ITK: variants seen among roughly 807,000 people sequenced by gnomAD.
The protein encoded by ITK is tyrosine-protein kinase ITK/TSK.
ITK carries 45 observed loss-of-function variants against 87.6 expected under a neutral mutation model. The ratio of observed to expected loss-of-function variants is 0.51; its 90% confidence interval spans 0.40 to 0.66. The LOEUF is 0.66. ITK is among the 30% of genes least tolerant of loss of function. The pLI is 0.00. For missense variants in ITK, 605 were observed against 766.3 expected (o/e 0.79, Z 2.48); for synonymous variants, 303 against 273.6 (o/e 1.11, Z -1.06).
intron 7 of ITK, among the ~76,000 whole-genome samples, chr5:157,228,956 C>A (rs74924472): frequency 9.7e-4 from 147 of 152,192 alleles, no homozygotes; most frequent in African/African-American, 3.2e-3. Flanking sequence ...CAGATGAGCA[C>A]AGAAGTTGGC....
At chr5:157,231,929 A>G (rs1220494941) in intron 7 of ITK, among the ~76,000 whole-genome samples, 1 of 152,222 alleles carries the variant, frequency 6.6e-6, no homozygotes. Flanking sequence ...CCTCCTTATA[A>G]CGAACTGTCT....
intron 1 of ITK, among the ~76,000 whole-genome samples, chr5:157,190,962 CCCT>C (rs1429317291): frequency 1.3e-5 from 2 of 152,050 alleles, no homozygotes; most frequent in African/African-American, 4.8e-5. Flanking sequence ...GGGTGTGAGT[CCCT>C]CCATCTAGAA....
At chr5:157,243,830 G>A (rs545723317) in intron 12 of ITK, 36 bp downstream of exon 12, 4 of 1,596,268 alleles carry the variant, frequency 2.5e-6, no homozygotes, top group Admixed American at 1.7e-5. Flanking sequence ...AGAAACTCTG[G>A]GGGGAACATC....
Position 157,180,881 on chromosome 5 carries a change from C to A in ITK, c.-97C>A. 1.6e-6 allele frequency: 2 copies of A among 1,216,634 alleles called. No individual in the cohort carries two copies. The highest frequency in any genetic ancestry group is 2.4e-6 in the Non-Finnish European group (2 of 827,342). 75.4% of individuals were successfully genotyped at this position (1,216,634 alleles called of 1,614,324 possible). A position where few individuals can be genotyped will look rare whatever the true frequency, so the allele number is the denominator to read the frequency against. ...TGCCCTTGAGCAGCTCTCTGAAGAT[C>A]AACTGCCTCCACATTGCATTCTTTG... On this transcript the variant is annotated 5_prime_UTR_variant, in exon 1 of 17. Transcript: ENST00000422843.
intron 1 of ITK, among the ~76,000 whole-genome samples, chr5:157,205,082 A>C (rs1754053582): frequency 6.6e-6 from 1 of 152,240 alleles, no homozygotes; most frequent in South Asian, 2.1e-4. Flanking sequence ...GCGATAGTTA[A>C]GGCTTCCTTA....
chr5:157,252,216 T>C (rs1755153466), intron 16 of ITK, among the ~76,000 whole-genome samples: 1 of 152,220 alleles, frequency 6.6e-6, no homozygotes, highest in Admixed American at 6.5e-5. Flanking sequence ...TTTCTGAGAT[T>C]TATACCCAGA....
chr5:157,237,693 A>G (rs1366020431), intron 8 of ITK, among the ~76,000 whole-genome samples: 1 of 152,216 alleles, frequency 6.6e-6, no homozygotes, highest in Admixed American at 6.5e-5. Flanking sequence ...CCAGAGTTCA[A>G]ATCCGAATTC....
In ITK at chr5:157,245,718, C is replaced by G. The variant is rs1212555887; in HGVS notation, c.1450-8C>G. The G allele has an allele frequency of 6.2e-7, 1 of 1,613,604 alleles. No homozygotes were observed. Among genetic ancestry groups the G allele is most frequent in the Non-Finnish European group, 8.5e-7 (1 of 1,179,638 alleles). On this transcript the variant is annotated splice_region_variant and splice_polypyrimidine_tract_variant and intron_variant, in intron 13 of 16. Coordinates refer to ENST00000422843, the MANE Select transcript of ITK (RefSeq NM_005546.4). ...CTCTCCGCCTTTGTTTGCCTGTCTC[C>G]TCTCCAGGCTGCCAGAAATTGTTTG...
chr5:157,246,664 A>G (rs1755024920), intron 15 of ITK, among the ~76,000 whole-genome samples: 1 of 152,192 alleles, frequency 6.6e-6, no homozygotes, highest in Non-Finnish European at 1.5e-5. Flanking sequence ...TGCTTTGAAT[A>G]GTGTGGTGTG....
intron 1 of ITK, among the ~76,000 whole-genome samples, chr5:157,187,666 TAGG>T (rs1249555421): frequency 6.6e-6 from 1 of 152,190 alleles, no homozygotes; most frequent in East Asian, 1.9e-4. Context: ...AAGGCACATG[TAGG>T]AACTAGCAGG....
intron 1 of ITK, among the ~76,000 whole-genome samples, chr5:157,206,240 C>A (rs1474577828): frequency 6.6e-6 from 1 of 152,130 alleles, no homozygotes; most frequent in Admixed American, 6.5e-5. Flanking sequence ...CAGGCATGAG[C>A]CACCACGCCT....
chr5:157,244,365 T>C lies in ITK; in HGVS notation c.1336T>C (p.Tyr446His). 6.2e-7 allele frequency: 1 copy of C among 1,614,058 alleles called. No homozygotes were observed. Among genetic ancestry groups the C allele is most frequent in the Non-Finnish European group, 8.5e-7 (1 of 1,179,968 alleles). Residue 446 changes from tyrosine to histidine, a missense_variant, in exon 13 of 17, where the codon TAT becomes CAT. Physicochemically the swap from Tyr to His is moderately conservative, Grantham distance 83. Around this residue, in one of 3 missense-constraint regions of ITK, gnomAD observed 464 missense variants for 578.0 expected, o/e 0.80. Transcript: ENST00000422843. ...CATGGAGCACGGCTGCCTGTCAGAT[T>C]ATCTACGCACCCAGCGGGGACTTTT... ...EFMEHGCLSD[Y>H]LRTQRGLFAA...
Position 157,208,861 on chromosome 5 carries a change from T to C in ITK, c.139-28T>C, listed in dbSNP as rs1168664298. 5 of 1,469,056 alleles carry C rather than the reference T, an allele frequency of 3.4e-6. No individual in the cohort carries two copies. In the East Asian group the frequency reaches 9.1e-5, roughly 27 times the overall value. The allele number at this position is 1,469,056 out of a possible 1,614,324, so 91.0% of individuals were successfully genotyped here. ...CAAAAATATTGTCTTCTTTCTTACA[T>C]GAATGGGATGTTCTTCTCTCCCCAC... On this transcript the variant is annotated intron_variant, in intron 1 of 16. Transcript: ENST00000422843.
intron 8 of ITK, among the ~76,000 whole-genome samples, chr5:157,233,344 A>T (rs1267061857): frequency 6.6e-6 from 1 of 152,230 alleles, no homozygotes; most frequent in Non-Finnish European, 1.5e-5. Flanking sequence ...GAGCAAGGGA[A>T]TAATCTAAAA....
At chr5:157,198,835 T>C (rs1753902628) in intron 1 of ITK, among the ~76,000 whole-genome samples, 1 of 152,206 alleles carries the variant, frequency 6.6e-6, no homozygotes. Flanking sequence ...TGATAATGAC[T>C]CACTGCAACC....
At position 157,252,511 on chromosome 5, in the gene ITK, C is replaced by T. The variant is rs1755160569; in HGVS notation, c.1792-96C>T. ...TCAACATGGAAGCACATACAAAAATCCACAGGGGATGCTGCTATTAAATTC... is the reference window on the plus strand; with the variant it reads ...TCAACATGGAAGCACATACAAAAATTCACAGGGGATGCTGCTATTAAATTC... On this transcript the variant is annotated intron_variant, in intron 16 of 16. Transcript: ENST00000422843. 11 of 889,100 alleles carry T rather than the reference C, an allele frequency of 1.2e-5. No individual in the cohort carries two copies. The South Asian group carries it at 1.5e-4, about 12-fold the overall frequency. The allele number at this position is 889,100 out of a possible 1,614,324, so 55.1% of individuals were successfully genotyped here. A position where few individuals can be genotyped will look rare whatever the true frequency, so the allele number is the denominator to read the frequency against.
At chr5:157,238,235 T>A in intron 9 of ITK, 44 bp downstream of exon 9, 1 of 1,393,690 alleles carries the variant, frequency 7.2e-7, no homozygotes, top group Non-Finnish European at 1.0e-6. Context: ...GAAACACTTC[T>A]GAAGTGTGTG....
chr5:157,233,928 G>GATATATAT (rs1554102416), intron 8 of ITK, among the ~76,000 whole-genome samples: 33 of 45,568 alleles, frequency 7.2e-4, no homozygotes, highest in Non-Finnish European at 9.9e-4. Context: ...CCTCCTTACT[G>GATATATAT]ATACATATAT....
rs151032409 is a variant in ITK at position 157,243,956 on chromosome 5, T to C, written c.1232+162T>C. The C allele has an allele frequency of 3.4e-4, 255 of 745,284 alleles. 3 individuals are homozygous for C. In the East Asian group the frequency reaches 6.7e-3, roughly 20 times the overall value. 46.2% of individuals were successfully genotyped at this position (745,284 alleles called of 1,614,324 possible). A position where few individuals can be genotyped will look rare whatever the true frequency, so the allele number is the denominator to read the frequency against. On this transcript the variant is annotated intron_variant, in intron 12 of 16. Coordinates refer to ENST00000422843, the MANE Select transcript of ITK (RefSeq NM_005546.4). ...TACAATCAAACTCTTCACAGTGGTCTCCAAGGCCCACCATAATCTGATCAT... is the reference window on the plus strand; with the variant it reads ...TACAATCAAACTCTTCACAGTGGTCCCCAAGGCCCACCATAATCTGATCAT...
Sources: allele counts gnomAD v4.1 joint callset (sites outside exome capture counted in the v4.1 genomes callset), GRCh38; gene constraint gnomAD v4.1.1; regional missense constraint gnomAD v4.1.1; transcripts MANE v1.5; gene names NCBI Gene and HGNC (gene_info 2026-07-23, HGNC 2026-07-21).